Variants in ADAM19 observed in about 807,000 individuals in gnomAD.
ADAM19 encodes disintegrin and metalloproteinase domain-containing protein 19.
A neutral mutation model predicts 114.7 loss-of-function variants in ADAM19; 65 were observed. The ratio of observed to expected loss-of-function variants is 0.57; its 90% confidence interval spans 0.46 to 0.70. ADAM19 has a LOEUF of 0.70. ADAM19 is among the 30% of genes least tolerant of loss of function. The pLI, the probability that ADAM19 is intolerant of heterozygous loss-of-function variation, is 0.00. For missense variants in ADAM19, 1,063 were observed against 1,204.7 expected, an observed-to-expected ratio of 0.88 and a Z score of 1.74; for synonymous variants, 466 against 460.5, an observed-to-expected ratio of 1.01 and a Z score of -0.15.
chr5:157,549,605 C>G (rs997349322), intron 3 of ADAM19, among the ~76,000 whole-genome samples: 3 of 152,240 alleles, frequency 2.0e-5, no homozygotes, highest in African/African-American at 7.2e-5. Flanking sequence ...TCACAAATTC[C>G]CGTTCCTCTT....
chr5:157,501,069 C>T (rs1183646964), intron 12 of ADAM19, among the ~76,000 whole-genome samples: 1 of 152,162 alleles, frequency 6.6e-6, no homozygotes, highest in African/African-American at 2.4e-5. Flanking sequence ...ATTGGAGAGC[C>T]ACATCCCATC....
At chr5:157,573,516 C>T (rs1414472401) in intron 1 of ADAM19, among the ~76,000 whole-genome samples, 2 of 152,118 alleles carry the variant, frequency 1.3e-5, no homozygotes, top group African/African-American at 4.8e-5. Flanking sequence ...GAGGCCGAGG[C>T]GGGCGGATCA....
At chr5:157,517,090 C>T (rs538490222) in intron 7 of ADAM19, among the ~76,000 whole-genome samples, 1 of 152,216 alleles carries the variant, frequency 6.6e-6, no homozygotes, top group African/African-American at 2.4e-5. Context: ...TTAACTCCTC[C>T]TTGTCTTTTA....
chr5:157,487,185 C>A (rs1754967488), intron 21 of ADAM19, among the ~76,000 whole-genome samples: 2 of 152,162 alleles, frequency 1.3e-5, no homozygotes, highest in Non-Finnish European at 2.9e-5. Flanking sequence ...TCTCTCCACT[C>A]CTCCCCTCTC....
Position 157,570,917 on chromosome 5 carries a change from G to A in ADAM19, c.158C>T (p.Ser53Leu). ...HELIIPQWKT[S>L]ESPVREKHPL... ...TACCTTTTCTCTCACGGGGCTTTCT[G>A]AAGTCTTCCACTGAGGTATGATAAG... Residue 53 changes from serine (S) to leucine (L), a missense_variant, in exon 2 of 23, where the codon TCA becomes TTA. Ser to Leu is a moderately radical substitution (Grantham distance 145). Transcript: ENST00000257527. 1.9e-6 allele frequency: 3 copies of A among 1,614,134 alleles called. No homozygotes were observed. The highest frequency in any genetic ancestry group is 2.5e-6 in the Non-Finnish European group (3 of 1,180,004).
chr5:157,533,692 C>T (rs967469544), intron 4 of ADAM19, among the ~76,000 whole-genome samples: 4 of 152,064 alleles, frequency 2.6e-5, no homozygotes, highest in Non-Finnish European at 2.9e-5. Context: ...TGAGGCCAGG[C>T]GCGGTGGCTC....
chr5:157,560,966 C>G (rs374077429), intron 3 of ADAM19, among the ~76,000 whole-genome samples: 1 of 152,192 alleles, frequency 6.6e-6, no homozygotes, highest in Non-Finnish European at 1.5e-5. Context: ...GTGGCTCTGG[C>G]TCTATGACAT....
chr5:157,520,297 C>T (rs1347709245), intron 5 of ADAM19, among the ~76,000 whole-genome samples: 2 of 150,362 alleles, frequency 1.3e-5, no homozygotes, highest in African/African-American at 2.5e-5. Flanking sequence ...ACCCAACCAC[C>T]ACCACCAAGC....
intron 7 of ADAM19, among the ~76,000 whole-genome samples, chr5:157,518,348 C>T: frequency 6.6e-6 from 1 of 151,936 alleles, no homozygotes. Context: ...GGGGAGTTCC[C>T]CCCAACTATG....
intron 5 of ADAM19, among the ~76,000 whole-genome samples, chr5:157,524,665 AAAGAG>A (rs903584936): frequency 2.0e-5 from 3 of 152,194 alleles, no homozygotes; most frequent in African/African-American, 7.2e-5. Flanking sequence ...AGCCTGCAAA[AAAGAG>A]AAGAGAAGGC....
At chr5:157,557,407 A>G (rs1757395302) in intron 3 of ADAM19, among the ~76,000 whole-genome samples, 1 of 152,148 alleles carries the variant, frequency 6.6e-6, no homozygotes, top group Admixed American at 6.5e-5. Context: ...CATCTAGGCT[A>G]TTTCAATTTT....
At chr5:157,489,824 A>G (rs944308010) in intron 19 of ADAM19, among the ~76,000 whole-genome samples, 4 of 152,182 alleles carry the variant, frequency 2.6e-5, no homozygotes, top group African/African-American at 4.8e-5. Flanking sequence ...CGTCTCTACT[A>G]AAAATACAAA....
In ADAM19 at chr5:157,497,035, C is replaced by A; in HGVS notation, c.1453G>T (p.Glu485Ter). The A allele has an allele frequency of 6.3e-7, 1 of 1,577,482 alleles. No homozygotes were observed. The highest frequency in any genetic ancestry group is 8.6e-7 in the Non-Finnish European group (1 of 1,165,002). ...REQARQCDLP[E>*]FCTGKSPHCP... ...TGGGGAGACTTGCCCGTACAGAACT[C>A]CGGGAGGTCACACTGCCTGGCCTGC... The change falls in exon 14 of 23, where the codon GAG becomes TAG. Residue 485 changes from glutamate (E) to a stop codon, truncating the protein, a stop_gained. Transcript: ENST00000257527. LOFTEE classifies it high-confidence loss of function.
chr5:157,547,611 T>A (rs963588404), intron 3 of ADAM19, among the ~76,000 whole-genome samples: 3 of 152,230 alleles, frequency 2.0e-5, no homozygotes, highest in Non-Finnish European at 4.4e-5. Context: ...ATTTCTTTTC[T>A]TTATAAGTGA....
chr5:157,549,563 CCCT>C (rs1475193788), intron 3 of ADAM19, among the ~76,000 whole-genome samples: 1 of 152,218 alleles, frequency 6.6e-6, no homozygotes, highest in African/African-American at 2.4e-5. Flanking sequence ...TTTCAAGTAA[CCCT>C]CATTAGGGAA....
chr5:157,565,237 C>T (rs567696892), intron 2 of ADAM19, among the ~76,000 whole-genome samples: 217 of 152,086 alleles, frequency 1.4e-3, no homozygotes, highest in Non-Finnish European at 2.4e-3. Context: ...TCCCCACGTC[C>T]AGAAAAACAA....
At chr5:157,491,484 T>G (rs895334314) in intron 18 of ADAM19, 131 bp downstream of exon 18, 18 of 675,676 alleles carry the variant, frequency 2.7e-5, no homozygotes, top group Non-Finnish European at 3.6e-5. Context: ...TCTGTCTTTA[T>G]CCTGATTTCC....
Position 157,481,017 on chromosome 5 carries a change from AAGGG to A in ADAM19, c.2704-19_2704-16del. On this transcript the variant is annotated splice_polypyrimidine_tract_variant and intron_variant, in intron 22 of 22. Transcript: ENST00000257527. ...TATTCTGGAAACTGGGAAGAAAAAG[AAGGG>A]AGGGAGAGAGACATCAGCTTGATGC... 1.2e-6 allele frequency: 2 copies of A among 1,614,058 alleles called. No individual in the cohort carries two copies. Among genetic ancestry groups the A allele is most frequent in the Non-Finnish European group, 1.7e-6 (2 of 1,179,990 alleles).
At chr5:157,513,657 G>A (rs1756000983) in intron 7 of ADAM19, 152 bp from the exon 8 acceptor site, 2 of 682,806 alleles carry the variant, frequency 2.9e-6, no homozygotes, top group Non-Finnish European at 5.1e-6. Flanking sequence ...CACAGTAAGA[G>A]CTTTGGAGGG....
Sources: gnomAD v4.1 joint callset for allele counts (sites outside exome capture counted in the v4.1 genomes callset) on GRCh38, gnomAD v4.1.1 for gene constraint, MANE v1.5 for transcripts, NCBI Gene and HGNC (gene_info 2026-07-23, HGNC 2026-07-21) for gene names.